Variants in PDZRN3 observed in about 807,000 individuals in gnomAD.
The protein encoded by PDZRN3 is E3 ubiquitin-protein ligase PDZRN3.
PDZRN3 carries 38 observed loss-of-function variants against 85.7 expected under a neutral mutation model. The ratio of observed to expected loss-of-function variants is 0.44; its 90% CI spans 0.34 to 0.58. The LOEUF (loss-of-function observed/expected upper bound fraction) is 0.58. Among genes scored for constraint, PDZRN3 ranks in the 20% least tolerant of loss-of-function variants. The pLI, the probability that PDZRN3 is intolerant of heterozygous loss-of-function variation, is 0.01. For missense variants in PDZRN3, 1,629 were observed against 1,506.4 expected (o/e 1.08, Z -1.35); for synonymous variants, 759 against 638.0 (o/e 1.19, Z -2.86).
intron 1 of PDZRN3, among the ~76,000 whole-genome samples, chr3:73,623,269 T>TGAGGGAC (rs1702896303): frequency 6.6e-6 from 1 of 152,072 alleles, no homozygotes; most frequent in African/African-American, 2.4e-5. Context: ...AACTGAGGGA[T>TGAGGGAC]CTGGGAATTA....
At chr3:73,579,297 A>T (rs2106864151) in intron 3 of PDZRN3, among the ~76,000 whole-genome samples, 1 of 152,324 alleles carries the variant, frequency 6.6e-6, no homozygotes, top group South Asian at 2.1e-4. Context: ...CTCCAGAACT[A>T]TGAACAGTGA....
intron 3 of PDZRN3, among the ~76,000 whole-genome samples, chr3:73,541,580 G>A (rs942529275): frequency 6.6e-6 from 1 of 152,200 alleles, no homozygotes; most frequent in Non-Finnish European, 1.5e-5. Flanking sequence ...TACACATGCT[G>A]TCACTTGGCT....
intron 3 of PDZRN3, among the ~76,000 whole-genome samples, chr3:73,490,269 T>A (rs966928140): frequency 6.6e-6 from 1 of 152,212 alleles, no homozygotes; most frequent in South Asian, 2.1e-4. Context: ...TGGCTGAAGT[T>A]AATGCTGACC....
At chr3:73,492,979 T>C (rs952550744) in intron 3 of PDZRN3, among the ~76,000 whole-genome samples, 15 of 108,076 alleles carry the variant, frequency 1.4e-4, no homozygotes, top group Middle Eastern at 5.2e-3. Flanking sequence ...GGAAGGCTTT[T>C]CAACCTTTTT....
intron 5 of PDZRN3, among the ~76,000 whole-genome samples, chr3:73,392,912 T>C (rs1701557510): frequency 6.6e-6 from 1 of 152,102 alleles, no homozygotes; most frequent in South Asian, 2.1e-4. Flanking sequence ...ATACCACAAA[T>C]ATACTAGTCA....
At chr3:73,567,221 T>C (rs943868094) in intron 3 of PDZRN3, among the ~76,000 whole-genome samples, 1 of 152,180 alleles carries the variant, frequency 6.6e-6, no homozygotes, top group Non-Finnish European at 1.5e-5. Context: ...CTATCCTTCC[T>C]GGGGCTTTTC....
rs34405662 is a variant in PDZRN3 at position 73,600,337 on chromosome 3, A to ACACT, written c.918+2016_918+2017insAGTG. Among the ~76,000 whole-genome samples, 463 of 100,070 alleles carry ACACT rather than the reference A, an allele frequency of 4.6e-3. 3 individuals carry two copies. Among genetic ancestry groups the ACACT allele is most frequent in the Middle Eastern group, 6.7e-3 (1 of 150 alleles). The allele number at this position is 100,070 out of a possible 152,430, so 65.6% of individuals were successfully genotyped here. A position where few individuals can be genotyped will look rare whatever the true frequency, so the allele number is the denominator to read the frequency against. On this transcript the variant is annotated intron_variant, in intron 3 of 9. Coordinates refer to ENST00000263666, the MANE Select transcript of PDZRN3 (RefSeq NM_015009.3). ...CACACACACACACACACACACACAC[A>ACACT]CTCTCTCTCTCTCTCTCTCTCTCTC...
intron 5 of PDZRN3, among the ~76,000 whole-genome samples, chr3:73,399,435 A>C (rs1444365590): frequency 6.6e-6 from 1 of 152,186 alleles, no homozygotes; most frequent in Non-Finnish European, 1.5e-5. Context: ...TTCTAGGTAG[A>C]TAGTCAAGAT....
chr3:73,425,518 A>G (rs1387425848), intron 3 of PDZRN3, among the ~76,000 whole-genome samples: 1 of 152,042 alleles, frequency 6.6e-6, no homozygotes, highest in African/African-American at 2.4e-5. Context: ...TGACTGATAT[A>G]ATCCTGTGAG....
intron 3 of PDZRN3, among the ~76,000 whole-genome samples, chr3:73,486,264 G>C (rs1354092505): frequency 6.6e-6 from 1 of 152,138 alleles, no homozygotes; most frequent in Non-Finnish European, 1.5e-5. Context: ...ATAACTCCAA[G>C]TTCTATGGCC....
chr3:73,611,275 A>G (rs1480361465), intron 1 of PDZRN3, among the ~76,000 whole-genome samples: 2 of 152,222 alleles, frequency 1.3e-5, no homozygotes, highest in African/African-American at 4.8e-5. Flanking sequence ...TGAACTATTT[A>G]TCTCCAAAGG....
At chr3:73,544,736 G>T (rs1701382843) in intron 3 of PDZRN3, among the ~76,000 whole-genome samples, 1 of 151,110 alleles carries the variant, frequency 6.6e-6, no homozygotes, top group South Asian at 2.1e-4. Flanking sequence ...GAGATGCCCT[G>T]GCATTTAAAA....
intron 5 of PDZRN3, 71 bp downstream of exon 5, chr3:73,400,851 A>G (rs1169697304): frequency 4.6e-6 from 5 of 1,079,724 alleles, no homozygotes; most frequent in Non-Finnish European, 5.8e-6. Flanking sequence ...ATTTATGCTT[A>G]TAGAGAACTT....
rs142702494 is a variant in PDZRN3 at position 73,430,410 on chromosome 3, C to T, written c.919-26015G>A. Reference sequence around the variant, plus strand: ...GCTTAACTCCCAATCAGAATTATTTCCTTGTTGCCTCATCAAATTAGAAAA... The same window carrying T: ...GCTTAACTCCCAATCAGAATTATTTTCTTGTTGCCTCATCAAATTAGAAAA... On this transcript the variant is annotated intron_variant, in intron 3 of 9. Coordinates refer to ENST00000263666, the MANE Select transcript of PDZRN3 (RefSeq NM_015009.3). Among the ~76,000 whole-genome samples, 444 of 152,292 alleles carry T rather than the reference C, an allele frequency of 2.9e-3. 3 individuals are homozygous for T. The highest frequency in any genetic ancestry group is 0.01 in the African/African-American group (427 of 41,578).
At chr3:73,396,152 G>A (rs1362083681) in intron 5 of PDZRN3, among the ~76,000 whole-genome samples, 1 of 152,134 alleles carries the variant, frequency 6.6e-6, no homozygotes, top group Non-Finnish European at 1.5e-5. Flanking sequence ...GAACCTAGGC[G>A]GCTGCGGTGA....
chr3:73,564,993 A>G (rs558861835), intron 3 of PDZRN3, among the ~76,000 whole-genome samples: 8 of 152,224 alleles, frequency 5.3e-5, no homozygotes, highest in Non-Finnish European at 7.3e-5. Flanking sequence ...CATCTGCATT[A>G]TCAAAGTTAC....
At chr3:73,538,568 T>G (rs768768786) in intron 3 of PDZRN3, among the ~76,000 whole-genome samples, 8 of 152,236 alleles carry the variant, frequency 5.3e-5, no homozygotes, top group Non-Finnish European at 1.0e-4. Context: ...AATGTATTTA[T>G]TATGTCGAGC....
chr3:73,482,679 T>C (rs995906703), intron 3 of PDZRN3, among the ~76,000 whole-genome samples: 8 of 152,112 alleles, frequency 5.3e-5, no homozygotes, highest in Admixed American at 2.0e-4. Flanking sequence ...CTTTAAGGAG[T>C]TGGGTAGTGC....
At chr3:73,429,437 ACT>A (rs1215768849) in intron 3 of PDZRN3, among the ~76,000 whole-genome samples, 1 of 151,884 alleles carries the variant, frequency 6.6e-6, no homozygotes, top group Admixed American at 6.6e-5. Context: ...GACCCATCTG[ACT>A]CTCAGCTGAT....
Sources: gnomAD v4.1 joint callset for allele counts (sites outside exome capture counted in the v4.1 genomes callset) on GRCh38, gnomAD v4.1.1 for gene constraint, MANE v1.5 for transcripts, NCBI Gene and HGNC (gene_info 2026-07-23, HGNC 2026-07-21) for gene names.